The following LAMA2 variants were observed in gnomAD, a reference collection of about 807,000 sequenced individuals.
The protein encoded by LAMA2 is laminin subunit alpha 2.
LAMA2 carries 269 observed loss-of-function variants against 364.8 expected under a neutral mutation model. That is an observed-to-expected ratio of 0.74 (90% CI 0.67 to 0.82). The LOEUF (loss-of-function observed/expected upper bound fraction) is 0.82. Among genes scored for constraint, LAMA2 ranks in the 40% least tolerant of loss-of-function variants. The pLI, the probability that LAMA2 is intolerant of heterozygous loss-of-function variation, is 0.00. For synonymous variants in LAMA2, 1,379 were observed against 1,370.6 expected (o/e 1.01, Z -0.14); for missense variants, 3,807 against 3,873.2 (o/e 0.98, Z 0.45).
chr6:129,206,516 G>A (rs753650502), intron 12 of LAMA2, among the ~76,000 whole-genome samples: 2 of 152,114 alleles, frequency 1.3e-5, no homozygotes, highest in Non-Finnish European at 2.9e-5. Flanking sequence ...AATCCTATCT[G>A]CTAAAAATTG....
intron 1 of LAMA2, among the ~76,000 whole-genome samples, chr6:128,902,966 TA>T (rs1777183357): frequency 6.6e-6 from 1 of 152,220 alleles, no homozygotes; most frequent in Non-Finnish European, 1.5e-5. Flanking sequence ...ATTCTATTCA[TA>T]AATATGACCA....
At chr6:129,008,445 C>G (rs1408759380) in intron 1 of LAMA2, among the ~76,000 whole-genome samples, 1 of 152,128 alleles carries the variant, frequency 6.6e-6, no homozygotes, top group Non-Finnish European at 1.5e-5. Flanking sequence ...GGATAATTTA[C>G]ATACATTATC....
chr6:128,939,729 G>A (rs7774482), intron 1 of LAMA2, among the ~76,000 whole-genome samples: 9 of 151,946 alleles, frequency 5.9e-5, no homozygotes, highest in Non-Finnish European at 7.4e-5. Context: ...GAGTAGAGAC[G>A]GGAATAGGCA....
chr6:129,182,669 C>T (rs1008506472), intron 10 of LAMA2, among the ~76,000 whole-genome samples: 2 of 151,402 alleles, frequency 1.3e-5, no homozygotes, highest in Admixed American at 6.6e-5. Context: ...TTTGTGAATA[C>T]ATATATTATA....
intron 41 of LAMA2, among the ~76,000 whole-genome samples, chr6:129,437,686 T>C (rs1781901367): frequency 6.6e-6 from 1 of 152,080 alleles, no homozygotes; most frequent in Non-Finnish European, 1.5e-5. Context: ...ATTTTTCATA[T>C]TTTGTTTTTT....
chr6:129,335,371 G>A (rs946566005), intron 29 of LAMA2, among the ~76,000 whole-genome samples: 32 of 151,794 alleles, frequency 2.1e-4, no homozygotes, highest in African/African-American at 7.0e-4. Flanking sequence ...TAGATAGATA[G>A]ATAGATAGAT....
chr6:129,268,718 G>A (rs536763271), intron 16 of LAMA2, among the ~76,000 whole-genome samples: 1 of 152,174 alleles, frequency 6.6e-6, no homozygotes, highest in South Asian at 2.1e-4. Flanking sequence ...CAGGGAGATA[G>A]GAGGTCTCCT....
intron 1 of LAMA2, among the ~76,000 whole-genome samples, chr6:128,991,620 G>A (rs1040273269): frequency 1.3e-5 from 2 of 152,242 alleles, no homozygotes; most frequent in South Asian, 2.1e-4. Context: ...GTTAGTGTAC[G>A]AAATTCTGTA....
chr6:129,333,947 C>A (rs1775799603), intron 29 of LAMA2, among the ~76,000 whole-genome samples: 1 of 151,902 alleles, frequency 6.6e-6, no homozygotes, highest in Admixed American at 6.6e-5. Context: ...CTGAGGAATC[C>A]CTAGATGAAG....
chr6:129,129,466 C>T (rs1214797727), intron 4 of LAMA2, among the ~76,000 whole-genome samples: 1 of 152,106 alleles, frequency 6.6e-6, no homozygotes, highest in Non-Finnish European at 1.5e-5. Context: ...ATGTTTATGC[C>T]ATAAGAGAAT....
chr6:128,952,994 G>A (rs1780925153), intron 1 of LAMA2, among the ~76,000 whole-genome samples: 1 of 152,122 alleles, frequency 6.6e-6, no homozygotes, highest in African/African-American at 2.4e-5. Flanking sequence ...TACAGGTTTA[G>A]GACCTGGTCC....
chr6:129,156,818 T>G (rs1462246586), intron 8 of LAMA2, among the ~76,000 whole-genome samples: 1 of 152,074 alleles, frequency 6.6e-6, no homozygotes, highest in Admixed American at 6.6e-5. Flanking sequence ...ATAAAGCTGG[T>G]GGGGAAGCTA....
At chr6:129,203,614 G>A (rs151254038) in intron 12 of LAMA2, among the ~76,000 whole-genome samples, 1 of 152,222 alleles carries the variant, frequency 6.6e-6, no homozygotes, top group Non-Finnish European at 1.5e-5. Context: ...CCTGCTGACA[G>A]CTTGATCTCA....
Position 128,920,170 on chromosome 6 carries a change from T to C in LAMA2, c.112+36813T>C, listed in dbSNP as rs990267517. On this transcript the variant is annotated intron_variant, in intron 1 of 64. Coordinates refer to ENST00000421865, the MANE Select transcript of LAMA2 (RefSeq NM_000426.4). The stretch of plus-strand genomic sequence containing the variant: ...CATGCTCATTTTTCTTTTCTTTTTT[T>C]TTTTTTTGACGGAGTCCTGCTCTGT... Among the ~76,000 whole-genome samples the C allele has an allele frequency of 3.3e-5, 5 of 151,950 alleles. No homozygotes were observed. In the South Asian group the frequency reaches 8.3e-4, roughly 25 times the overall value.
intron 3 of LAMA2, among the ~76,000 whole-genome samples, chr6:129,085,737 C>A (rs2114847712): frequency 6.6e-6 from 1 of 152,270 alleles, no homozygotes; most frequent in East Asian, 1.9e-4. Context: ...CTTCATAAAT[C>A]ATTTCTGACC....
chr6:128,947,340 C>G (rs1284378871), intron 1 of LAMA2, among the ~76,000 whole-genome samples: 1 of 152,164 alleles, frequency 6.6e-6, no homozygotes, highest in Non-Finnish European at 1.5e-5. Flanking sequence ...TCAACTCTTT[C>G]ATGAAAATTA....
In LAMA2 at chr6:128,921,714, A is replaced by ATTTATTTT. The variant is rs1229128215; in HGVS notation, c.112+38359_112+38360insTATTTTTT. The stretch of plus-strand genomic sequence containing the variant: ...GAATGTCTGTTTTTTTTTTTTTTTT[A>ATTTATTTT]TTATTATTATACTTTAAGTTTTAGG... On this transcript the variant is annotated intron_variant, in intron 1 of 64. Transcript: ENST00000421865. Among the ~76,000 whole-genome samples, 252 of 110,328 alleles carry ATTTATTTT rather than the reference A, an allele frequency of 2.3e-3. 2 individuals are homozygous for ATTTATTTT. Among genetic ancestry groups the ATTTATTTT allele is most frequent in the African/African-American group, 8.1e-3 (233 of 28,704 alleles). 72.4% of individuals were successfully genotyped at this position (110,328 alleles called of 152,430 possible).
chr6:128,888,023 G>A (rs536891378), intron 1 of LAMA2, among the ~76,000 whole-genome samples: 2 of 152,312 alleles, frequency 1.3e-5, no homozygotes, highest in African/African-American at 4.8e-5. Flanking sequence ...GGTTGCACAA[G>A]TGGTTTAACT....
intron 42 of LAMA2, among the ~76,000 whole-genome samples, chr6:129,439,323 G>T (rs943993668): frequency 3.3e-5 from 5 of 151,942 alleles, no homozygotes; most frequent in Admixed American, 6.6e-5. Flanking sequence ...AACTCTCCAA[G>T]GTTGGTTGAA....
Sources: allele counts gnomAD v4.1 joint callset (sites outside exome capture counted in the v4.1 genomes callset), GRCh38; gene constraint gnomAD v4.1.1; transcripts MANE v1.5; gene names NCBI Gene and HGNC (gene_info 2026-07-23, HGNC 2026-07-21).